Variants in RBFOX1 observed in about 807,000 individuals in gnomAD.
RBFOX1 encodes the protein RNA binding protein fox-1 homolog 1.
A neutral mutation model predicts 57.7 loss-of-function variants in RBFOX1; 8 were observed. That is an observed-to-expected ratio of 0.14 (90% confidence interval 0.08 to 0.25). The LOEUF is 0.25. Ranked by LOEUF, RBFOX1 falls within the 10% of genes least tolerant of loss-of-function variation. RBFOX1 has a pLI of 1.00. For missense variants in RBFOX1, 611 were observed against 548.5 expected, an observed-to-expected ratio of 1.11 and a Z score of -1.14; for synonymous variants, 326 against 222.4, an observed-to-expected ratio of 1.47 and a Z score of -4.15.
chr16:5,411,564 T>G (rs998107750), intron 1 of RBFOX1, among the ~76,000 whole-genome samples: 1 of 152,220 alleles, frequency 6.6e-6, no homozygotes, highest in Non-Finnish European at 1.5e-5. Context: ...GTGTGTTGTT[T>G]GAAGACACTA....
intron 2 of RBFOX1, among the ~76,000 whole-genome samples, chr16:5,591,451 A>G (rs575384576): frequency 6.6e-6 from 1 of 152,192 alleles, no homozygotes; most frequent in South Asian, 2.1e-4. Context: ...GGGTTTCACC[A>G]TGTTGGCCAG....
chr16:6,569,933 T>G (rs1285157291), intron 2 of RBFOX1, among the ~76,000 whole-genome samples: 2 of 152,236 alleles, frequency 1.3e-5, no homozygotes, highest in Non-Finnish European at 2.9e-5. Context: ...TCACTTGTCC[T>G]CAATAATAAA....
intron 2 of RBFOX1, among the ~76,000 whole-genome samples, chr16:5,488,936 C>T (rs2042735179): frequency 6.6e-6 from 1 of 152,174 alleles, no homozygotes; most frequent in Non-Finnish European, 1.5e-5. Context: ...ACTTACATGT[C>T]AGTATTCTGG....
intron 3 of RBFOX1, among the ~76,000 whole-genome samples, chr16:6,890,409 C>A (rs1437501530): frequency 6.6e-6 from 1 of 152,184 alleles, no homozygotes; most frequent in African/African-American, 2.4e-5. Flanking sequence ...GTCCCAGCCA[C>A]TTGGAAGGCT....
chr16:6,501,456 C>T (rs569011604), intron 2 of RBFOX1, among the ~76,000 whole-genome samples: 88 of 152,058 alleles, frequency 5.8e-4, no homozygotes, highest in African/African-American at 2.0e-3. Context: ...CATGTCCCTA[C>T]AAAGGACATG....
intron 5 of RBFOX1, among the ~76,000 whole-genome samples, chr16:7,572,897 C>T (rs893855738): frequency 1.4e-5 from 2 of 143,530 alleles, no homozygotes; most frequent in African/African-American, 5.1e-5. Flanking sequence ...ATGGTACTGA[C>T]ATTGAGGAAC....
chr16:6,765,425 G>T (rs1165877291), intron 3 of RBFOX1, among the ~76,000 whole-genome samples: 3 of 152,088 alleles, frequency 2.0e-5, no homozygotes, highest in Non-Finnish European at 4.4e-5. Flanking sequence ...TAACTGTTGA[G>T]TATTAGACTG....
chr16:6,872,683 A>C (rs993262528), intron 3 of RBFOX1, among the ~76,000 whole-genome samples: 1 of 152,218 alleles, frequency 6.6e-6, no homozygotes, highest in Non-Finnish European at 1.5e-5. Context: ...TGCTAGCAAA[A>C]TTATAATCCA....
intron 3 of RBFOX1, among the ~76,000 whole-genome samples, chr16:6,736,976 T>G (rs1481901868): frequency 2.0e-5 from 3 of 152,174 alleles, no homozygotes; most frequent in Non-Finnish European, 4.4e-5. Flanking sequence ...CTGTGTGCCC[T>G]GTATTCGCCA....
rs1491258507 is a variant in RBFOX1, at chr16:6,859,152, T to TAC, written c.-15-192905_-15-192904insAC. On this transcript the variant is annotated intron_variant, in intron 3 of 15. Transcript: ENST00000550418. ...ATACATATATATACGTATATATATA[T>TAC]GTATATATATACGTATATATATGTA... Among the ~76,000 whole-genome samples the TAC allele has an allele frequency of 4.5e-4, 35 of 77,136 alleles. 2 individuals carry two copies. The highest frequency in any genetic ancestry group is 1.9e-3 in the African/African-American group (29 of 15,106). The allele number at this position is 77,136 out of a possible 152,430, so 50.6% of individuals were successfully genotyped here.
intron 3 of RBFOX1, among the ~76,000 whole-genome samples, chr16:6,984,624 C>G (rs2089807828): frequency 6.6e-6 from 1 of 152,004 alleles, no homozygotes; most frequent in Non-Finnish European, 1.5e-5. Flanking sequence ...AGTGAGTTTA[C>G]CACATGCCTT....
chr16:7,578,715 T>C (rs1344115165), intron 5 of RBFOX1, among the ~76,000 whole-genome samples: 1 of 152,218 alleles, frequency 6.6e-6, no homozygotes, highest in Non-Finnish European at 1.5e-5. Context: ...TATCATAGTT[T>C]CAAAGTTGGT....
At chr16:6,288,379 C>G (rs553457437) in intron 1 of RBFOX1, among the ~76,000 whole-genome samples, 1 of 152,066 alleles carries the variant, frequency 6.6e-6, no homozygotes, top group African/African-American at 2.4e-5. Context: ...TGGGTTAGAG[C>G]CTGAGATTCT....
chr16:5,345,236 C>G (rs1044529890), intron 1 of RBFOX1, among the ~76,000 whole-genome samples: 1 of 152,216 alleles, frequency 6.6e-6, no homozygotes, highest in African/African-American at 2.4e-5. Context: ...GTGGCCCAAG[C>G]TGCACAGCAG....
chr16:7,193,767 A>G (rs187295794), intron 4 of RBFOX1, among the ~76,000 whole-genome samples: 198 of 152,316 alleles, frequency 1.3e-3, no homozygotes, highest in African/African-American at 4.6e-3. Context: ...AGCTCAGAAT[A>G]TTAGTACTAG....
At chr16:5,993,087 A>G (rs1351974027) in intron 4 of RBFOX1, among the ~76,000 whole-genome samples, 1 of 152,158 alleles carries the variant, frequency 6.6e-6, no homozygotes, top group African/African-American at 2.4e-5. Flanking sequence ...ATCCACAAGT[A>G]CCATCCTGTC....
At chr16:6,002,243 C>G (rs1359554166) in intron 4 of RBFOX1, among the ~76,000 whole-genome samples, 1 of 152,156 alleles carries the variant, frequency 6.6e-6, no homozygotes, top group Non-Finnish European at 1.5e-5. Flanking sequence ...TGCCAAAGTT[C>G]TCATTTTATA....
intron 1 of RBFOX1, among the ~76,000 whole-genome samples, chr16:6,210,233 A>C (rs571577022): frequency 3.3e-5 from 5 of 151,584 alleles, no homozygotes; most frequent in Non-Finnish European, 5.9e-5. Context: ...CAGGAGAATC[A>C]ACTGCACCCA....
chr16:7,520,306 C>G (rs1433371959), intron 5 of RBFOX1, among the ~76,000 whole-genome samples: 22 of 152,138 alleles, frequency 1.4e-4, no homozygotes, highest in Admixed American at 1.4e-3. Flanking sequence ...TAATCCTGTA[C>G]ACATTTCAAT....
Sources: gnomAD v4.1 joint callset for allele counts (sites outside exome capture counted in the v4.1 genomes callset) on GRCh38, gnomAD v4.1.1 for gene constraint, MANE v1.5 for transcripts, NCBI Gene and HGNC (gene_info 2026-07-23, HGNC 2026-07-21) for gene names.